TTLL8: variants seen among roughly 807,000 people sequenced by gnomAD.
TTLL8 encodes protein monoglycylase TTLL8.
In TTLL8, 65 loss-of-function variants were observed where a neutral mutation model predicts 77.8. That is an observed-to-expected ratio of 0.84 (90% CI 0.68 to 1.03). The LOEUF (loss-of-function observed/expected upper bound fraction) is 1.03, where lower values mean the gene tolerates loss of function less well. Among genes scored for constraint, TTLL8 ranks in the 50% least tolerant of loss-of-function variants. The pLI is 0.00. For missense variants in TTLL8, 910 were observed against 1,004.5 expected (o/e 0.91, Z 1.27); for synonymous variants, 402 against 422.8 (o/e 0.95, Z 0.60).
At chr22:50,018,862 C>T (rs2061180341) in intron 12 of TTLL8, among the ~76,000 whole-genome samples, 71 bp from the exon 14 acceptor site, 1 of 152,182 alleles carries the variant, frequency 6.6e-6, no homozygotes. Context: ...TCCTAAGGGA[C>T]ACTGTCTTGA....
At chr22:50,029,588 G>A (rs934101532) in intron 12 of TTLL8, among the ~76,000 whole-genome samples, 5 of 152,102 alleles carry the variant, frequency 3.3e-5, no homozygotes, top group Admixed American at 6.5e-5. Flanking sequence ...AAAATTAGCC[G>A]GGCGCGGTGG....
At chr22:50,055,173 C>T, upstream of TTLL8, 1 of 1,265,114 alleles carries the variant, frequency 7.9e-7, no homozygotes, top group Non-Finnish European at 1.0e-6. Context: ...TTCCAAGTTC[C>T]AAAACAAATG....
Position 50,045,291 on chromosome 22 carries a change from C to A in TTLL8, c.607G>T (p.Glu203Ter). 2 of 1,361,792 alleles carry A rather than the reference C, an allele frequency of 1.5e-6. No individual in the cohort carries two copies. Among genetic ancestry groups the A allele is most frequent in the Non-Finnish European group, 2.0e-6 (2 of 1,021,726 alleles). 84.4% of individuals were successfully genotyped at this position (1,361,792 alleles called of 1,614,324 possible). ...CTCAGGTCGCTGCTCCCGGCCTCCT[C>A]CCTCTGGTCCCTGGGCTTGCTTCTG... Residue 203 changes from glutamate to a stop codon, truncating the protein, a stop_gained, in exon 6 of 14, where the codon GAG becomes TAG. Coordinates refer to ENST00000266182, the Ensembl canonical transcript of TTLL8. LOFTEE classifies it high-confidence loss of function.
chr22:50,022,225 T>C (rs896461384), intron 12 of TTLL8, among the ~76,000 whole-genome samples: 1 of 146,102 alleles, frequency 6.8e-6, no homozygotes, highest in African/African-American at 2.6e-5. Context: ...ACATCTGACA[T>C]GCACTCCTCC....
chr22:50,031,486 A>G, intron 11 of TTLL8, 200 bp downstream of exon 12: 1 of 941,298 alleles, frequency 1.1e-6, no homozygotes. Context: ...CTCGGTGCCG[A>G]CGAGGCACTG....
intron 6 of TTLL8, among the ~76,000 whole-genome samples, chr22:50,043,554 G>A (rs548651099): frequency 6.9e-6 from 1 of 145,142 alleles, no homozygotes; most frequent in African/African-American, 2.5e-5. Flanking sequence ...TGGATAGATA[G>A]ATAAACAGTG....
chr22:50,040,423 G>A (rs776747476), intron 8 of TTLL8, among the ~76,000 whole-genome samples: 102 of 152,240 alleles, frequency 6.7e-4, no homozygotes, highest in Non-Finnish European at 1.1e-3. Context: ...AGTCATAAAC[G>A]AGAGAGCACA....
chr22:50,033,733 C>G (rs879573620), intron 9 of TTLL8, among the ~76,000 whole-genome samples: 3 of 152,234 alleles, frequency 2.0e-5, no homozygotes, highest in Admixed American at 1.3e-4. Context: ...GACAGAGACA[C>G]TTTTAAAAGG....
rs981627944 is a variant in TTLL8, at chr22:50,029,756, C to T, written c.2203+674G>A. Among the ~76,000 whole-genome samples the T allele has an allele frequency of 1.4e-4, 21 of 152,220 alleles. 1 individual carries two copies. Among genetic ancestry groups the T allele is most frequent in the Non-Finnish European group, 2.4e-4 (16 of 67,986 alleles). The stretch of plus-strand genomic sequence containing the variant: ...AAAAAAACAAAAAAAACAAGACCCT[C>T]TCGTCATGCTGCCTAAAGACCCCCA... On this transcript the variant is annotated intron_variant, in intron 12 of 13. Coordinates refer to ENST00000266182, the Ensembl canonical transcript of TTLL8.
At chr22:50,042,568 C>G (rs1172022344) in intron 6 of TTLL8, among the ~76,000 whole-genome samples, 3 of 152,216 alleles carry the variant, frequency 2.0e-5, no homozygotes, top group Non-Finnish European at 2.9e-5. Context: ...TGCTCAACAT[C>G]ATATACCACT....
chr22:50,028,644 A>AT (rs538142316), intron 12 of TTLL8, among the ~76,000 whole-genome samples: 4 of 19,296 alleles, frequency 2.1e-4, no homozygotes, highest in African/African-American at 6.0e-4. Context: ...CCTCGTAAAG[A>AT]CCCCATCACA....
exon 12 of TTLL8, chr22:50,030,573 C>G (rs1027005822): frequency 1.5e-6 from 2 of 1,308,630 alleles, no homozygotes; most frequent in Admixed American, 2.3e-5. Context: ...TGGGGCCTGA[C>G]TGTCCACGTG....
chr22:50,030,871 T>C, exon 12 of TTLL8: 1 of 1,329,232 alleles, frequency 7.5e-7, no homozygotes, highest in Non-Finnish European at 9.9e-7. Flanking sequence ...CTCCTCACAC[T>C]GACGCCCGCC....
upstream of TTLL8, among the ~76,000 whole-genome samples, chr22:50,056,531 C>T (rs373884417): frequency 4.6e-3 from 698 of 152,262 alleles, 5 homozygotes; most frequent in South Asian, 0.025. The surrounding 1 kb of genome is among the most constrained non-coding windows in gnomAD (Gnocchi z 4.1). Flanking sequence ...GCAACGAAGA[C>T]GAGTCTGAAG....
In TTLL8 at chr22:50,030,583, G is replaced by A. The variant is rs745536020; in HGVS notation, c.2050C>T (p.His684Tyr). 6 of 1,302,084 alleles carry A rather than the reference G, an allele frequency of 4.6e-6. No homozygotes were observed. The South Asian group carries it at 6.5e-5, about 14-fold the overall frequency. The allele number at this position is 1,302,084 out of a possible 1,614,324, so 80.7% of individuals were successfully genotyped here. The stretch of plus-strand genomic sequence containing the variant: ...GTGTTTGGGGCCTGACTGTCCACGT[G>A]GCGACAGGGGCAGGCCGGGAGCTCC... Residue 684 changes from histidine to tyrosine, a missense_variant, in exon 12 of 14, where the codon CAC (histidine) becomes TAC (tyrosine). His to Tyr is a moderately conservative substitution (Grantham distance 83). Transcript: ENST00000266182.
chr22:50,025,595 G>A lies in TTLL8; in HGVS notation c.2203+4835C>T, dbSNP rs994884600. On this transcript the variant is annotated intron_variant, in intron 12 of 13. Coordinates refer to ENST00000266182, the Ensembl canonical transcript of TTLL8. ...GCTTAGGTTGCCGTGAGCCGAGATC[G>A]TGCGGTTGCACTCCAGCCTGGGCAA... Among the ~76,000 whole-genome samples, 6 of 152,172 alleles carry A rather than the reference G, an allele frequency of 3.9e-5. No homozygotes were observed. The East Asian group carries it at 7.7e-4, about 19-fold the overall frequency.
chr22:50,041,928 C>T lies in TTLL8; in HGVS notation c.644-121G>A. 1.2e-5 allele frequency: 11 copies of T among 885,846 alleles called. No individual in the cohort carries two copies. The South Asian group carries it at 1.9e-4, about 15-fold the overall frequency. The allele number at this position is 885,846 out of a possible 1,614,324, so 54.9% of individuals were successfully genotyped here. On this transcript the variant is annotated intron_variant, in intron 6 of 13. Coordinates refer to ENST00000266182, the Ensembl canonical transcript of TTLL8. The surrounding 1 kb of genome is among the most constrained non-coding windows in gnomAD (Gnocchi z 4.3). ...GCTCCACTCCCTCTGTGCCCCAATA[C>T]CCAACAAGTATCCCAGATCCCCAGA...
At chr22:50,021,321 T>TGAC (rs1201188712) in intron 12 of TTLL8, among the ~76,000 whole-genome samples, 1 of 148,768 alleles carries the variant, frequency 6.7e-6, no homozygotes, top group African/African-American at 2.5e-5. Flanking sequence ...CTCCTCCATC[T>TGAC]GATGTGCACT....
At chr22:50,045,231 C>T (rs762163419) in intron 6 of TTLL8, 24 bp downstream of exon 8, 53 of 1,345,190 alleles carry the variant, frequency 3.9e-5, no homozygotes, top group Non-Finnish European at 4.7e-5. Context: ...TGGCCTGGCA[C>T]TGCCCTGCCC....
Sources: allele counts gnomAD v4.1 joint callset (sites outside exome capture counted in the v4.1 genomes callset), GRCh38; gene constraint gnomAD v4.1.1; non-coding constraint Gnocchi (gnomAD v3.1); transcripts MANE v1.5; gene names NCBI Gene and HGNC (gene_info 2026-07-23, HGNC 2026-07-21).